DNAH10: variants seen among roughly 807,000 people sequenced by gnomAD.
DNAH10 encodes axonemal beta dynein heavy chain 10.
Under a neutral mutation model 506.6 loss-of-function variants are expected in DNAH10, and 348 were observed. The observed-to-expected ratio is 0.69, with a 90% CI of 0.63 to 0.75. DNAH10 has a LOEUF of 0.75. Ranked by LOEUF, DNAH10 falls within the 30% of genes least tolerant of loss-of-function variation. The pLI is 0.00. For synonymous variants in DNAH10, 2,059 were observed against 2,198.6 expected (o/e 0.94, Z 1.78); for missense variants, 5,179 against 5,787.1 (o/e 0.89, Z 3.41).
chr12:123,932,133 C>T, intron 76 of DNAH10, 25 bp downstream of exon 76: 1 of 1,612,154 alleles, frequency 6.2e-7, no homozygotes, highest in Non-Finnish European at 8.5e-7. Context: ...ACCGCCTCCT[C>T]TCTGCCGATT....
chr12:123,765,833 C>G (rs755057590), intron 1 of DNAH10, among the ~76,000 whole-genome samples: 2 of 146,098 alleles, frequency 1.4e-5, no homozygotes, highest in Non-Finnish European at 3.0e-5. Context: ...CTATCTCTAT[C>G]TATATATCTA....
Position 123,787,751 on chromosome 12 carries a change from C to T in DNAH10, c.1422-53C>T. ...CTGGCTCCCCAGCCGGGGAGTGCGG[C>T]TCGGACCCGGAGCTCCGCCCTCCTC... On this transcript the variant is annotated intron_variant, in intron 9 of 78. Transcript: ENST00000673944. This position sits in a 1 kb window ranked among gnomAD's most constrained non-coding sequence, Gnocchi z 4.6. 1 of 1,577,222 alleles carries T rather than the reference C, an allele frequency of 6.3e-7. No homozygotes were observed. The highest frequency in any genetic ancestry group is 8.6e-7 in the Non-Finnish European group (1 of 1,161,520).
At position 123,853,982 on chromosome 12, in the gene DNAH10, G is replaced by C. The variant is rs1951288501; in HGVS notation, c.6438+630G>C. 2.0e-5 allele frequency among the ~76,000 whole-genome samples: 3 copies of C among 151,078 alleles called. 1 individual carries two copies. In the South Asian group the frequency reaches 6.3e-4, roughly 32 times the overall value. ...TGGGTAGTAAAAAAAAAACAGCCGT[G>C]AGTGCAGTGATAGAAGCCTGTTTGT... On this transcript the variant is annotated intron_variant, in intron 36 of 78. Coordinates refer to ENST00000673944, the MANE Select transcript of DNAH10 (RefSeq NM_001372106.1). The surrounding 1 kb of genome is among the most constrained non-coding windows in gnomAD (Gnocchi z 4.7).
intron 46 of DNAH10, 76 bp from the exon 47 acceptor site, chr12:123,875,153 TGG>T: frequency 6.7e-7 from 1 of 1,495,044 alleles, no homozygotes; most frequent in Admixed American, 2.1e-5. Flanking sequence ...GAGCTTGAGC[TGG>T]GATGGTCAGC....
intron 1 of DNAH10, among the ~76,000 whole-genome samples, chr12:123,765,639 C>T (rs963559396): frequency 6.6e-6 from 1 of 151,820 alleles, no homozygotes; most frequent in Admixed American, 6.6e-5. Flanking sequence ...TATCTCCTGT[C>T]TACCTACCTA....
chr12:123,792,559 A>G (rs1326526333), intron 11 of DNAH10, among the ~76,000 whole-genome samples: 3 of 150,158 alleles, frequency 2.0e-5, no homozygotes, highest in Non-Finnish European at 4.4e-5. Context: ...TCCTGGGTTC[A>G]AGCAATTCTC....
intron 54 of DNAH10, among the ~76,000 whole-genome samples, chr12:123,897,002 C>T (rs767765696): frequency 5.9e-5 from 9 of 152,186 alleles, no homozygotes; most frequent in East Asian, 1.9e-4. Flanking sequence ...CACGAACTCC[C>T]CATCGCCCCT....
In DNAH10 at chr12:123,813,927, A is replaced by G. The variant is rs1382076976; in HGVS notation, c.3780+15A>G. On this transcript the variant is annotated intron_variant, in intron 21 of 78. Coordinates refer to ENST00000673944, the MANE Select transcript of DNAH10 (RefSeq NM_001372106.1). The stretch of plus-strand genomic sequence containing the variant: ...ATAACCTCTTTGTAAGTCAACTTGT[A>G]TTTTCTTATTCATTTAACAATTGGA... 6.4e-7 allele frequency: 1 copy of G among 1,563,848 alleles called. No homozygotes were observed. Among genetic ancestry groups the G allele is most frequent in the African/African-American group, 1.4e-5 (1 of 72,288 alleles).
At position 123,787,743 on chromosome 12, in the gene DNAH10, G is replaced by T. The variant is rs1289550229; in HGVS notation, c.1422-61G>T. ...ACGGGACACTGGCTCCCCAGCCGGG[G>T]AGTGCGGCTCGGACCCGGAGCTCCG... On this transcript the variant is annotated intron_variant, in intron 9 of 78. Coordinates refer to ENST00000673944, the MANE Select transcript of DNAH10 (RefSeq NM_001372106.1). The surrounding 1 kb of genome is among the most constrained non-coding windows in gnomAD (Gnocchi z 4.6). The T allele has an allele frequency of 1.3e-6, 2 of 1,564,836 alleles. No individual in the cohort carries two copies. The highest frequency in any genetic ancestry group is 2.3e-5 in the East Asian group (1 of 43,746).
chr12:123,795,202 A>G (rs1300889701), intron 12 of DNAH10, among the ~76,000 whole-genome samples: 1 of 152,134 alleles, frequency 6.6e-6, no homozygotes, highest in Non-Finnish European at 1.5e-5. Context: ...TGTAGAAGAC[A>G]AAATGAGAAT....
Position 123,893,421 on chromosome 12 carries a change from T to A in DNAH10, c.9184T>A (p.Cys3062Ser). 3 of 1,612,696 alleles carry A rather than the reference T, an allele frequency of 1.9e-6. No individual in the cohort carries two copies. The highest frequency in any genetic ancestry group is 2.5e-6 in the Non-Finnish European group (3 of 1,179,878). The change falls in exon 53 of 79, where the codon TGC (cysteine) becomes AGC (serine). Residue 3062 changes from cysteine to serine, a missense_variant. Around this residue, in one of 3 missense-constraint regions of DNAH10, gnomAD observed 4,844 missense variants for 5,430.5 expected, o/e 0.89. Transcript: ENST00000673944. ...AGTGGGGGACACCCTGAGGACCTGG[T>A]GCAGAAACTTCCCAGGTACCCGCGG... ...SPVGDTLRTW[C>S]RNFPGMVNNT... is the part of the protein sequence containing the mutation.
chr12:123,765,798 T>TCTATCTACCTAC (rs148748980), intron 1 of DNAH10, among the ~76,000 whole-genome samples: 22,050 of 151,056 alleles, frequency 0.15, 3,099 homozygotes, highest in African/African-American at 0.37. Context: ...TGTCTATACA[T>TCTATCTACCTAC]CTATCTACCT....
At position 123,867,523 on chromosome 12, in the gene DNAH10, T is replaced by C. The variant is rs1431218658; in HGVS notation, c.7224T>C (p.Asp2408=). The C allele has an allele frequency of 2.5e-6, 4 of 1,613,808 alleles. No homozygotes were observed. The South Asian group carries it at 3.3e-5, about 13-fold the overall frequency. ...LFEKYVPYLM[D]VIVEGIVDGR... ...AGAAGTATGTGCCCTATCTCATGGATGTGATAGTGGAAGGAATTGTGGATG... is the reference window on the plus strand; with the variant it reads ...AGAAGTATGTGCCCTATCTCATGGACGTGATAGTGGAAGGAATTGTGGATG... Residue 2408 remains aspartate (D), a synonymous_variant, in exon 42 of 79, where the codon GAT becomes GAC. Coordinates refer to ENST00000673944, the MANE Select transcript of DNAH10 (RefSeq NM_001372106.1).
At chr12:123,868,370 C>G (rs1328693328) in intron 43 of DNAH10, among the ~76,000 whole-genome samples, 2 of 152,204 alleles carry the variant, frequency 1.3e-5, no homozygotes, top group Non-Finnish European at 2.9e-5. Flanking sequence ...CTTGCCTCAG[C>G]TTAGGCACTT....
At chr12:123,771,559 A>G (rs1957253648) in intron 2 of DNAH10, 42 bp from the exon 3 acceptor site, 1 of 1,567,060 alleles carries the variant, frequency 6.4e-7, no homozygotes, top group Non-Finnish European at 8.7e-7. Flanking sequence ...AGGAAACCTA[A>G]TTTTCTGATT....
chr12:123,896,148 C>CACATAGAGAGAGAG (rs1383690518), intron 54 of DNAH10, among the ~76,000 whole-genome samples: 70 of 95,328 alleles, frequency 7.3e-4, no homozygotes, highest in Non-Finnish European at 1.1e-3. Flanking sequence ...CACACACACA[C>CACATAGAGAGAGAG]AGAGAGAGAG....
Position 123,830,620 on chromosome 12 carries a change from T to C in DNAH10, c.4466T>C (p.Phe1489Ser), listed in dbSNP as rs866796648. ...GAAACGTTCACCTTGGAAAATATGT[T>C]TGCTATGGAACTGCACAAACACACA... Reference protein sequence around the residue: ...MTETFTLENMFAMELHKHTDV... With the variant: ...MTETFTLENMSAMELHKHTDV... Residue 1489 changes from phenylalanine (F) to serine (S), a missense_variant, in exon 26 of 79, where the codon TTT becomes TCT. Physicochemically the swap from Phe to Ser is radical, Grantham distance 155 (BLOSUM62 -2). Transcript: ENST00000673944. The C allele has an allele frequency of 1.9e-6, 3 of 1,613,918 alleles. No homozygotes were observed. The highest frequency in any genetic ancestry group is 2.7e-5 in the African/African-American group (2 of 75,044).
chr12:123,896,304 C>G (rs1405212300), intron 54 of DNAH10, among the ~76,000 whole-genome samples: 1 of 152,168 alleles, frequency 6.6e-6, no homozygotes, highest in African/African-American at 2.4e-5. Flanking sequence ...TTTGCTAACC[C>G]CGGAGTAACT....
At chr12:123,808,203 A>G (rs181988674) in intron 18 of DNAH10, among the ~76,000 whole-genome samples, 55 of 151,962 alleles carry the variant, frequency 3.6e-4, no homozygotes, top group African/African-American at 1.3e-3. Flanking sequence ...CAGCTAATTT[A>G]TTTTTATTTT....
Sources: allele counts gnomAD v4.1 joint callset (sites outside exome capture counted in the v4.1 genomes callset), GRCh38; gene constraint gnomAD v4.1.1; regional missense constraint gnomAD v4.1.1; non-coding constraint Gnocchi (gnomAD v3.1); transcripts MANE v1.5; gene names NCBI Gene and HGNC (gene_info 2026-07-23, HGNC 2026-07-21).